The following NOTCH3 variants were observed in gnomAD, a reference collection of about 807,000 sequenced individuals.
The protein encoded by NOTCH3 is notch receptor 3.
Under a neutral mutation model 213.3 loss-of-function variants are expected in NOTCH3, and 86 were observed. The observed-to-expected ratio is 0.40, with a 90% CI of 0.34 to 0.48. NOTCH3 has a LOEUF of 0.48. NOTCH3 is among the 20% of genes least tolerant of loss of function. The pLI, the probability that NOTCH3 is intolerant of heterozygous loss-of-function variation, is 0.57. For missense variants in NOTCH3, 2,783 were observed against 3,272.6 expected, an observed-to-expected ratio of 0.85 and a Z score of 3.65; for synonymous variants, 1,354 against 1,355.9, an observed-to-expected ratio of 1.00 and a Z score of 0.03.
chr19:15,172,356 C>T (rs529789803), intron 25 of NOTCH3, among the ~76,000 whole-genome samples: 17 of 152,306 alleles, frequency 1.1e-4, no homozygotes, highest in Admixed American at 5.2e-4. Flanking sequence ...CTTTAGCCCC[C>T]AGGTATCTCC....
rs769887097 is a variant in NOTCH3, at chr19:15,161,348, C to T, written c.6280G>A (p.Asp2094Asn). 1.0e-5 allele frequency: 16 copies of T among 1,526,404 alleles called. No homozygotes were observed. In the South Asian group the frequency reaches 1.8e-4, roughly 17 times the overall value. The allele number at this position is 1,526,404 out of a possible 1,614,324, so 94.6% of individuals were successfully genotyped here. The part of the protein sequence containing the change: ...LTLACPGPLA[D>N]SSVTLSPVDS... The stretch of plus-strand genomic sequence containing the variant: ...ACGGGCGACAGCGTGACCGAGCTGT[C>T]AGCCAGGGGGCCCGGGCAGGCCAGC... The change falls in exon 33 of 33, where the codon GAC becomes AAC. Residue 2094 changes from aspartate (D) to asparagine (N), a missense_variant. Physicochemically the swap from Asp to Asn is conservative, Grantham distance 23. Coordinates refer to ENST00000263388, the MANE Select transcript of NOTCH3 (RefSeq NM_000435.3).
rs766735679 is a variant in NOTCH3 at position 15,170,723 on chromosome 19, C to T, written c.4839G>A (p.Ala1613=). ...AGTCCAGGCGCTCCACCGCTGACAA[C>T]GCTCCCAGGTAGTCAGCGGCGCTCT... ...DAQSAADYLG[A]LSAVERLDFP... is the part of the protein sequence containing the mutation. Residue 1613 remains alanine, a synonymous_variant, in exon 26 of 33, where the codon GCG becomes GCA. Transcript: ENST00000263388. The T allele has an allele frequency of 1.1e-5, 17 of 1,605,268 alleles. No individual in the cohort carries two copies. In the South Asian group the frequency reaches 1.3e-4, roughly 13 times the overall value.
In NOTCH3 at chr19:15,171,502, A is replaced by T. The variant is rs1304742986; in HGVS notation, c.4737-677T>A. Among the ~76,000 whole-genome samples, 7 of 152,024 alleles carry T rather than the reference A, an allele frequency of 4.6e-5. No individual in the cohort carries two copies. The East Asian group carries it at 9.7e-4, about 21-fold the overall frequency. On this transcript the variant is annotated intron_variant, in intron 25 of 32. Coordinates refer to ENST00000263388, the MANE Select transcript of NOTCH3 (RefSeq NM_000435.3). The stretch of plus-strand genomic sequence containing the variant: ...AGATCTGGGACCACAGACATGTGCC[A>T]CCACACCTGGCTAATTTTTGGGGGG...
chr19:15,197,691 C>T, intron 1 of NOTCH3, 113 bp from the exon 2 acceptor site: 4 of 764,982 alleles, frequency 5.2e-6, no homozygotes, highest in South Asian at 3.4e-5. Flanking sequence ...GGGATGGGGG[C>T]GTCTCTGCGG....
intron 2 of NOTCH3, among the ~76,000 whole-genome samples, chr19:15,195,508 G>A (rs924043852): frequency 7.7e-5 from 10 of 130,052 alleles, no homozygotes; most frequent in African/African-American, 2.4e-4. Flanking sequence ...TCCTCCCTCC[G>A]GCTTGTCCCA....
rs1186744964 is a variant in NOTCH3, at chr19:15,192,237, G to A, written c.402C>T (p.Cys134=). The change falls in exon 4 of 33, where the codon TGC becomes TGT. Residue 134 remains cysteine, a synonymous_variant. Transcript: ENST00000263388. ...GGAAGCGTCCATCGGGCCCCACTGA[G>A]CAGCGGGCACCGTGGGCACAAGGGC... ...LSSPCAHGAR[C]SVGPDGRFLC... The A allele has an allele frequency of 6.2e-7, 1 of 1,605,442 alleles. No homozygotes were observed. Among genetic ancestry groups the A allele is most frequent in the Non-Finnish European group, 8.5e-7 (1 of 1,176,538 alleles).
intron 32 of NOTCH3, 98 bp downstream of exon 32, chr19:15,162,367 G>A (rs746744588): frequency 3.4e-6 from 3 of 886,134 alleles, no homozygotes; most frequent in Non-Finnish European, 5.6e-6. Flanking sequence ...GTTTTATTTT[G>A]TTTTGTTTTT....
chr19:15,196,351 C>T (rs1267928897), intron 2 of NOTCH3, among the ~76,000 whole-genome samples: 10 of 152,076 alleles, frequency 6.6e-5, no homozygotes, highest in Admixed American at 3.9e-4. Flanking sequence ...CCCATCCCGC[C>T]CCACCTTCGC....
At chr19:15,192,768 T>C (rs867141787) in intron 2 of NOTCH3, among the ~76,000 whole-genome samples, 25 of 152,174 alleles carry the variant, frequency 1.6e-4, no homozygotes, top group Middle Eastern at 3.4e-3. Flanking sequence ...TACGAAACTT[T>C]GCTGGGCATA....
At chr19:15,191,039 A>T (rs10406305) in intron 6 of NOTCH3, among the ~76,000 whole-genome samples, 94,194 of 146,098 alleles carry the variant, frequency 0.64, 30,592 homozygotes, top group Non-Finnish European at 0.72. Flanking sequence ...TCTTTTTTTT[A>T]TTTTTTAAAT....
chr19:15,180,281 A>G, intron 19 of NOTCH3, 25 bp from the exon 20 acceptor site: 1 of 1,612,190 alleles, frequency 6.2e-7, no homozygotes. Flanking sequence ...GTGGCACAGG[A>G]ACAGAGGTAA....
At chr19:15,169,576 G>A (rs952270973) in intron 28 of NOTCH3, among the ~76,000 whole-genome samples, 1 of 152,098 alleles carries the variant, frequency 6.6e-6, no homozygotes, top group African/African-American at 2.4e-5. Context: ...TCACCATGTT[G>A]GTCAGGCTGG....
chr19:15,186,820 A>G, intron 12 of NOTCH3, 58 bp downstream of exon 12: 1 of 1,374,538 alleles, frequency 7.3e-7, no homozygotes, highest in South Asian at 1.2e-5. Context: ...AGGCCCACAG[A>G]GACGAGTGAC....
chr19:15,174,300 T>TGGCACAATCCAGCCCATCCCA lies in NOTCH3; in HGVS notation c.4483_4503dup (p.Trp1495_Ala1501dup). 6.4e-7 allele frequency: 1 copy of TGGCACAATCCAGCCCATCCCA among 1,557,120 alleles called. No individual in the cohort carries two copies. Among genetic ancestry groups the TGGCACAATCCAGCCCATCCCA allele is most frequent in the Non-Finnish European group, 8.7e-7 (1 of 1,152,034 alleles). On this transcript the variant is annotated inframe_insertion, in exon 25 of 33. Coordinates refer to ENST00000263388, the MANE Select transcript of NOTCH3 (RefSeq NM_000435.3). ...CGGGCCAGCAGGGCCGGCACCTCGC[T>TGGCACAATCCAGCCCATCCCA]GGCACAATCCAGCCCATCCCAGCCG...
chr19:15,185,289 C>T lies in NOTCH3; in HGVS notation c.2264G>A (p.Gly755Asp), dbSNP rs1397746136. 1 of 1,613,038 alleles carries T rather than the reference C, an allele frequency of 6.2e-7. No homozygotes were observed. Among genetic ancestry groups the T allele is most frequent in the Non-Finnish European group, 8.5e-7 (1 of 1,180,004 alleles). Residue 755 changes from glycine to aspartate, a missense_variant, in exon 14 of 33, where the codon GGT (glycine) becomes GAT (aspartate). Coordinates refer to ENST00000263388, the MANE Select transcript of NOTCH3 (RefSeq NM_000435.3). This position sits in a 1 kb window ranked among gnomAD's most constrained non-coding sequence, Gnocchi z 4.2. ...ACCAGGCGGGCAGGTGCAGTGGAAA[C>T]CCATTCCATCGCTGCTGCATGTCCC... ...AGGTCSSDGM[G>D]FHCTCPPGVQ...
rs369768722 is a variant in NOTCH3, at chr19:15,165,499, C to A, written c.5684G>T (p.Arg1895Leu). 4 of 1,612,172 alleles carry A rather than the reference C, an allele frequency of 2.5e-6. No homozygotes were observed. Among genetic ancestry groups the A allele is most frequent in the African/African-American group, 1.3e-5 (1 of 74,902 alleles). The change falls in exon 31 of 33, where the codon CGC (arginine) becomes CTC (leucine). Residue 1895 changes from arginine (R) to leucine (L), a missense_variant. This residue lies in a region of NOTCH3 where 636 missense variants were observed against 801.8 expected (regional missense o/e 0.79). Transcript: ENST00000263388. The surrounding 1 kb of genome is among the most constrained non-coding windows in gnomAD (Gnocchi z 4.7). ...QGVFQILIRN[R>L]STDLDARMAD... ...CATGCGGGCATCCAAGTCTGTAGAG[C>A]GGTTTCGGATGAGAATCTAGGACAG...
intron 24 of NOTCH3, among the ~76,000 whole-genome samples, chr19:15,177,251 GAAA>G (rs1555727291): frequency 1.7e-5 from 2 of 116,114 alleles, no homozygotes; most frequent in Admixed American, 1.6e-4. Context: ...TCCATCTCGG[GAAA>G]AAAAAAAAAA....
Position 15,170,537 on chromosome 19 carries a change from A to G in NOTCH3, c.4908T>C (p.Pro1636=), listed in dbSNP as rs2145400450. ...GCAGCAGCGGGACGCTGGGTTCTGG[A>G]GGCTCCAGCGGCTCCCCTAAGAGCA... The part of the protein sequence containing the change: ...LRDVRGEPLE[P]PEPSVPLLPL... Residue 1636 remains proline (P), a synonymous_variant, in exon 27 of 33, where the codon CCT becomes CCC. Transcript: ENST00000263388. 1 of 1,609,608 alleles carries G rather than the reference A, an allele frequency of 6.2e-7. No individual in the cohort carries two copies. Among genetic ancestry groups the G allele is most frequent in the Non-Finnish European group, 8.5e-7 (1 of 1,179,822 alleles).
Position 15,188,327 on chromosome 19 carries a change from T to G in NOTCH3, c.1400A>C (p.Glu467Ala). ...ACTCTGACACTCGTCAATGTCCACC[T>G]CGCAATAGGTTCCTGTGAAGCCTGG... ...CMAGFTGTYC[E>A]VDIDECQSSP... The change falls in exon 9 of 33, where the codon GAG becomes GCG. Residue 467 changes from glutamate (E) to alanine (A), a missense_variant. By Grantham distance (107) the Glu-to-Ala change is moderately radical (BLOSUM62 -1). Transcript: ENST00000263388. The G allele has an allele frequency of 6.2e-7, 1 of 1,604,692 alleles. No individual in the cohort carries two copies. Among genetic ancestry groups the G allele is most frequent in the Non-Finnish European group, 8.5e-7 (1 of 1,175,050 alleles).
Sources: gnomAD v4.1 joint callset for allele counts (sites outside exome capture counted in the v4.1 genomes callset) on GRCh38, gnomAD v4.1.1 for gene constraint, gnomAD v4.1.1 regional missense constraint, Gnocchi (gnomAD v3.1) non-coding constraint, MANE v1.5 for transcripts, NCBI Gene and HGNC (gene_info 2026-07-23, HGNC 2026-07-21) for gene names.